Variants in HSF5 observed in about 807,000 individuals in gnomAD.
HSF5 encodes the protein heat shock transcription factor 5.
A neutral mutation model predicts 50.8 loss-of-function variants in HSF5; 5 were observed. The ratio of observed to expected loss-of-function variants is 0.10; its 90% CI spans 0.05 to 0.21. HSF5 has a LOEUF of 0.21. Among genes scored for constraint, HSF5 ranks in the 10% least tolerant of loss-of-function variants. The pLI is 1.00. For synonymous variants in HSF5, 307 were observed against 307.4 expected, an observed-to-expected ratio of 1.00 and a Z score of 0.02; for missense variants, 564 against 762.6, an observed-to-expected ratio of 0.74 and a Z score of 3.07.
intron 4 of HSF5, among the ~76,000 whole-genome samples, chr17:58,461,213 CACAACA>C (rs36215581): frequency 0.48 from 69,676 of 146,458 alleles, 17,015 homozygotes; most frequent in East Asian, 0.73. Flanking sequence ...GATTCCATCT[CACAACA>C]ACAACAACAA....
intron 5 of HSF5, among the ~76,000 whole-genome samples, chr17:58,439,488 ATT>A (rs879697270): frequency 6.8e-6 from 1 of 147,132 alleles, no homozygotes; most frequent in Non-Finnish European, 1.5e-5. Context: ...AGAAGTTATA[ATT>A]TTTTTTTTTT....
chr17:58,460,608 C>T (rs1974781883), intron 4 of HSF5, among the ~76,000 whole-genome samples: 1 of 151,550 alleles, frequency 6.6e-6, no homozygotes, highest in South Asian at 2.1e-4. Flanking sequence ...CTCCTGGGTT[C>T]ATGCCATTCT....
At chr17:58,478,987 C>T (rs1185360559) in intron 2 of HSF5, among the ~76,000 whole-genome samples, 6 of 151,528 alleles carry the variant, frequency 4.0e-5, no homozygotes, top group Non-Finnish European at 5.9e-5. Flanking sequence ...TGGGATCTAC[C>T]AGCGTGTTCT....
At chr17:58,447,396 T>C (rs1437926715) in intron 5 of HSF5, among the ~76,000 whole-genome samples, 1 of 151,816 alleles carries the variant, frequency 6.6e-6, no homozygotes, top group Non-Finnish European at 1.5e-5. Flanking sequence ...TGACAGAGGG[T>C]CTTAGGCAAG....
chr17:58,458,687 A>G, intron 5 of HSF5, 81 bp downstream of exon 5: 1 of 1,147,414 alleles, frequency 8.7e-7, no homozygotes. Flanking sequence ...TAATAAATGG[A>G]GACCCAGAAA....
chr17:58,434,546 T>A (rs534354258), intron 5 of HSF5, among the ~76,000 whole-genome samples: 27 of 143,328 alleles, frequency 1.9e-4, no homozygotes, highest in Admixed American at 7.7e-4. Flanking sequence ...CTAGACTCCA[T>A]CTCAAAAAAA....
chr17:58,432,330 G>C (rs1472181670), intron 5 of HSF5, among the ~76,000 whole-genome samples: 1 of 152,070 alleles, frequency 6.6e-6, no homozygotes, highest in Non-Finnish European at 1.5e-5. Context: ...CACTGCAGAA[G>C]AAAAACAAAG....
intron 5 of HSF5, among the ~76,000 whole-genome samples, chr17:58,447,956 C>T (rs1974582309): frequency 6.6e-6 from 1 of 152,036 alleles, no homozygotes; most frequent in South Asian, 2.1e-4. Context: ...TGAGGCCAGT[C>T]TGGCCAACAT....
intron 5 of HSF5, among the ~76,000 whole-genome samples, chr17:58,451,636 A>T (rs1356280817): frequency 1.3e-5 from 2 of 152,218 alleles, no homozygotes; most frequent in Non-Finnish European, 2.9e-5. Context: ...ATTCCTTGAG[A>T]CAAATGAAAG....
intron 2 of HSF5, chr17:58,476,515 A>T: frequency 8.1e-7 from 1 of 1,235,942 alleles, no homozygotes; most frequent in Non-Finnish European, 1.2e-6. Context: ...ACTCTTATTC[A>T]GATGAAATTC....
chr17:58,450,605 T>G (rs1413871694), intron 5 of HSF5, among the ~76,000 whole-genome samples: 2 of 150,038 alleles, frequency 1.3e-5, no homozygotes, highest in Non-Finnish European at 3.0e-5. Context: ...AATATAAAAT[T>G]AGCTGGGTGT....
At chr17:58,452,952 T>C (rs537298924) in intron 5 of HSF5, among the ~76,000 whole-genome samples, 8 of 152,210 alleles carry the variant, frequency 5.3e-5, no homozygotes, top group African/African-American at 1.9e-4. Context: ...AGAGGATTAC[T>C]TGAGCCCAGG....
intron 5 of HSF5, among the ~76,000 whole-genome samples, chr17:58,451,444 A>G (rs150779404): frequency 6.6e-6 from 1 of 152,218 alleles, no homozygotes; most frequent in African/African-American, 2.4e-5. Flanking sequence ...TAGGCCATAA[A>G]AGAAGTCTTA....
Position 58,424,938 on chromosome 17 carries a change from A to G in HSF5, c.1721-2508T>C, listed in dbSNP as rs1974275149. ...TGAGGTAGCTGGAATAGTCAAATTCAGAGACAAAAAATAGAATGGTAGGTG... is the reference window on the plus strand; with the variant it reads ...TGAGGTAGCTGGAATAGTCAAATTCGGAGACAAAAAATAGAATGGTAGGTG... On this transcript the variant is annotated intron_variant, in intron 5 of 5. Transcript: ENST00000323777. 2.6e-5 allele frequency among the ~76,000 whole-genome samples: 4 copies of G among 152,248 alleles called. No homozygotes were observed. In the South Asian group the frequency reaches 8.3e-4, roughly 31 times the overall value.
intron 5 of HSF5, among the ~76,000 whole-genome samples, chr17:58,443,472 T>C (rs1338727082): frequency 6.6e-6 from 1 of 152,166 alleles, no homozygotes; most frequent in Non-Finnish European, 1.5e-5. Flanking sequence ...ACTCTATATA[T>C]GACCCGTTAA....
intron 5 of HSF5, among the ~76,000 whole-genome samples, chr17:58,448,699 C>T (rs1182919685): frequency 6.6e-6 from 1 of 152,124 alleles, no homozygotes; most frequent in African/African-American, 2.4e-5. Context: ...GAGAATTCAT[C>T]ACCACCAGAC....
intron 2 of HSF5, among the ~76,000 whole-genome samples, chr17:58,475,728 T>C (rs756066387): frequency 6.6e-6 from 1 of 152,130 alleles, no homozygotes; most frequent in Non-Finnish European, 1.5e-5. Flanking sequence ...ATGCTAAATG[T>C]TTTCATTCAG....
At chr17:58,426,818 A>G (rs895185024) in intron 5 of HSF5, among the ~76,000 whole-genome samples, 2 of 152,150 alleles carry the variant, frequency 1.3e-5, no homozygotes, top group African/African-American at 4.8e-5. Context: ...TTTAAAAGTT[A>G]TTTCCTTAAG....
In HSF5 at chr17:58,433,937, G is replaced by C. The variant is rs201382909; in HGVS notation, c.1721-11507C>G. On this transcript the variant is annotated intron_variant, in intron 5 of 5. Transcript: ENST00000323777. ...TTTTTTTTTTTTTTTTTTTTAGATG[G>C]AGCTTCACTCTTGTCGCCCAGGCTG... Among the ~76,000 whole-genome samples the C allele has an allele frequency of 2.1e-4, 5 of 23,712 alleles. No homozygotes were observed. The East Asian group carries it at 3.3e-3, about 15-fold the overall frequency. The allele number at this position is 23,712 out of a possible 152,430, so 15.6% of individuals were successfully genotyped here.
Sources: gnomAD v4.1 joint callset for allele counts (sites outside exome capture counted in the v4.1 genomes callset) on GRCh38, gnomAD v4.1.1 for gene constraint, MANE v1.5 for transcripts, NCBI Gene and HGNC (gene_info 2026-07-23, HGNC 2026-07-21) for gene names.